The following GLG1 variants were observed in gnomAD, a reference collection of about 807,000 sequenced individuals.
GLG1 encodes the protein Golgi apparatus protein 1.
In GLG1, 38 loss-of-function variants were observed where a neutral mutation model predicts 160.5. The ratio of observed to expected loss-of-function variants is 0.24; its 90% CI spans 0.18 to 0.31. The LOEUF (loss-of-function observed/expected upper bound fraction) is 0.31, where lower values mean the gene tolerates loss of function less well. Among genes scored for constraint, GLG1 ranks in the 10% least tolerant of loss-of-function variants. The pLI, the probability that GLG1 is intolerant of heterozygous loss-of-function variation, is 1.00. For missense variants in GLG1, 1,373 were observed against 1,505.2 expected, an observed-to-expected ratio of 0.91 and a Z score of 1.45; for synonymous variants, 644 against 543.4, an observed-to-expected ratio of 1.19 and a Z score of -2.57.
chr16:74,448,155 G>A lies in GLG1; in HGVS notation c.*5012C>T, dbSNP rs13359. 47,391 of 152,022 alleles carry A rather than the reference G, an allele frequency of 0.31. 7,618 individuals are homozygous for A. Among genetic ancestry groups the A allele is most frequent in the Middle Eastern group, 0.39 (114 of 294 alleles). 9.4% of individuals were successfully genotyped at this position (152,022 alleles called of 1,614,324 possible). On this transcript the variant is annotated 3_prime_UTR_variant, in exon 26 of 26. Coordinates refer to ENST00000422840, the MANE Select transcript of GLG1 (RefSeq NM_001145667.2). Reference sequence around the variant, plus strand: ...GGGGAGCTCTTCACCCTAAAGATTCGGTCTGGTTTGCTAATGACTTATCTA... The same window carrying A: ...GGGGAGCTCTTCACCCTAAAGATTCAGTCTGGTTTGCTAATGACTTATCTA...
intron 1 of GLG1, among the ~76,000 whole-genome samples, chr16:74,561,021 A>G (rs1567524392): frequency 6.6e-6 from 1 of 152,248 alleles, no homozygotes. Context: ...GTCTGGCACC[A>G]CGCAGTCCTG....
At chr16:74,606,264 T>A (rs1958563224) in intron 1 of GLG1, among the ~76,000 whole-genome samples, 1 of 152,244 alleles carries the variant, frequency 6.6e-6, no homozygotes, top group Non-Finnish European at 1.5e-5. Context: ...GGCATTTTTT[T>A]ATGTTTAAAT....
At chr16:74,528,434 T>C (rs2017410029) in intron 2 of GLG1, among the ~76,000 whole-genome samples, 1 of 152,126 alleles carries the variant, frequency 6.6e-6, no homozygotes, top group African/African-American at 2.4e-5. Flanking sequence ...CCAGCTGTCA[T>C]TTTCCTTCCC....
At chr16:74,462,399 C>T (rs953478216) in intron 21 of GLG1, 89 bp downstream of exon 21, 59 of 1,268,310 alleles carry the variant, frequency 4.7e-5, no homozygotes, top group Non-Finnish European at 3.9e-5. Context: ...CTTGGGAAAA[C>T]GGGAGCAAGC....
rs560046370 is a variant in GLG1 at position 74,544,857 on chromosome 16, G to A, written c.439-12704C>T. Among the ~76,000 whole-genome samples, 16 of 152,122 alleles carry A rather than the reference G, an allele frequency of 1.1e-4. No homozygotes were observed. In the South Asian group the frequency reaches 3.3e-3, roughly 32 times the overall value. On this transcript the variant is annotated intron_variant, in intron 1 of 25. Transcript: ENST00000422840. ...AAATACTTAAAGCACCTAGCACAAT[G>A]CTAGTAGTAAGTATGTAATAAATAT...
At chr16:74,549,363 A>G (rs2018136748) in intron 1 of GLG1, among the ~76,000 whole-genome samples, 1 of 151,918 alleles carries the variant, frequency 6.6e-6, no homozygotes, top group South Asian at 2.1e-4. Context: ...ATGCAATCTC[A>G]GCTCACTGTA....
chr16:74,469,318 G>A (rs537414008), intron 16 of GLG1: 2 of 522,650 alleles, frequency 3.8e-6, no homozygotes, highest in South Asian at 5.1e-5. Context: ...GCACATGTGT[G>A]CAACGACAGT....
rs373177669 is a variant in GLG1 at position 74,508,895 on chromosome 16, T to C, written c.502A>G (p.Thr168Ala). ...LLWNYKLNLT[T>A]DPKFESVARE... is the part of the protein sequence containing the mutation. ...GCCACAGATTCAAATTTGGGATCTG[T>C]AGTTAGGTTCAGCTTATAATTCCAC... Residue 168 changes from threonine (T) to alanine (A), a missense_variant, in exon 3 of 26, where the codon ACA becomes GCA. By Grantham distance (58) the Thr-to-Ala change is moderately conservative. Transcript: ENST00000422840. The C allele has an allele frequency of 6.6e-7, 1 of 1,514,366 alleles. No homozygotes were observed. Among genetic ancestry groups the C allele is most frequent in the Non-Finnish European group, 9.2e-7 (1 of 1,091,176 alleles). The allele number at this position is 1,514,366 out of a possible 1,614,324, so 93.8% of individuals were successfully genotyped here. A position where few individuals can be genotyped will look rare whatever the true frequency, so the allele number is the denominator to read the frequency against.
At chr16:74,589,319 T>A (rs1958122313) in intron 1 of GLG1, among the ~76,000 whole-genome samples, 1 of 151,418 alleles carries the variant, frequency 6.6e-6, no homozygotes, top group Non-Finnish European at 1.5e-5. Context: ...TCAAATATGA[T>A]GAAATATTGG....
chr16:74,465,932 G>A lies in GLG1; in HGVS notation c.2530-119C>T, dbSNP rs186309138. On this transcript the variant is annotated intron_variant, in intron 18 of 25. Coordinates refer to ENST00000422840, the MANE Select transcript of GLG1 (RefSeq NM_001145667.2). Reference sequence around the variant, plus strand: ...TTTCTTTATCCATTTCTCATTCCCAGGCAATCGGAATCAGGATTTCCTTAC... The same window carrying A: ...TTTCTTTATCCATTTCTCATTCCCAAGCAATCGGAATCAGGATTTCCTTAC... 1.1e-3 allele frequency: 986 copies of A among 868,318 alleles called. 1 individual carries two copies. Among genetic ancestry groups the A allele is most frequent in the Non-Finnish European group, 1.7e-3 (904 of 544,284 alleles). 53.8% of individuals were successfully genotyped at this position (868,318 alleles called of 1,614,324 possible).
At chr16:74,492,080 A>G (rs2016015751) in intron 7 of GLG1, among the ~76,000 whole-genome samples, 1 of 151,376 alleles carries the variant, frequency 6.6e-6, no homozygotes, top group Non-Finnish European at 1.5e-5. Context: ...ATGTTGCACA[A>G]TGTGTATTTC....
At chr16:74,532,288 T>C in intron 1 of GLG1, 135 bp from the exon 2 acceptor site, 1 of 345,006 alleles carries the variant, frequency 2.9e-6, no homozygotes, top group Non-Finnish European at 5.3e-6. Context: ...CAAATATGCT[T>C]CTTCAACATA....
intron 3 of GLG1, 143 bp downstream of exon 3, chr16:74,508,696 C>A: frequency 1.8e-6 from 1 of 568,744 alleles, no homozygotes; most frequent in South Asian, 2.3e-5. Context: ...TCTAATTACA[C>A]CCCCCAACTT....
At chr16:74,498,653 T>C (rs1280928395) in intron 4 of GLG1, among the ~76,000 whole-genome samples, 1 of 148,282 alleles carries the variant, frequency 6.7e-6, no homozygotes, top group Non-Finnish European at 1.5e-5. Context: ...TCATCTGAGG[T>C]CAGGAGTTCG....
rs531840242 is a variant in GLG1, at chr16:74,551,857, T to C, written c.439-19704A>G. ...TTTTGCACCTGCAGATCCTTAAACG[T>C]CTTCGCCATTAGTCCAAGTAGATAC... On this transcript the variant is annotated intron_variant, in intron 1 of 25. Coordinates refer to ENST00000422840, the MANE Select transcript of GLG1 (RefSeq NM_001145667.2). Among the ~76,000 whole-genome samples, 727 of 151,444 alleles carry C rather than the reference T, an allele frequency of 4.8e-3. 5 individuals are homozygous for C. Among genetic ancestry groups the C allele is most frequent in the Admixed American group, 6.3e-3 (96 of 15,142 alleles).
chr16:74,536,198 C>T (rs2017682419), intron 1 of GLG1, among the ~76,000 whole-genome samples: 1 of 152,132 alleles, frequency 6.6e-6, no homozygotes, highest in African/African-American at 2.4e-5. Flanking sequence ...CCCAATTAAA[C>T]CACTTCATCA....
chr16:74,601,390 G>A (rs1381051790), intron 1 of GLG1, among the ~76,000 whole-genome samples: 9 of 151,616 alleles, frequency 5.9e-5, no homozygotes, highest in African/African-American at 1.7e-4. Flanking sequence ...GACCAACCTG[G>A]GCAACCCGGC....
chr16:74,499,732 G>A (rs1248492251), intron 4 of GLG1, among the ~76,000 whole-genome samples: 4 of 152,174 alleles, frequency 2.6e-5, no homozygotes, highest in Admixed American at 1.3e-4. Context: ...GGCTGGGCAC[G>A]GTGGCTCACG....
At position 74,472,378 on chromosome 16, in the gene GLG1, A is replaced by G; in HGVS notation, c.2086T>C (p.Cys696Arg). Residue 696 changes from cysteine to arginine, a missense_variant, in exon 14 of 26, where the codon TGT (cysteine) becomes CGT (arginine). Physicochemically the swap from Cys to Arg is radical, Grantham distance 180. Coordinates refer to ENST00000422840, the MANE Select transcript of GLG1 (RefSeq NM_001145667.2). ...IQIEALLMRACEPIIQNFCHD... is the reference protein window; with the variant it reads ...IQIEALLMRAREPIIQNFCHD... Reference sequence around the variant, plus strand: ...CAGAAGTTCTGAATTATGGGCTCACAGGCTCTCATCAGCAAGGCTTCTATT... The same window carrying G: ...CAGAAGTTCTGAATTATGGGCTCACGGGCTCTCATCAGCAAGGCTTCTATT... 6.2e-7 allele frequency: 1 copy of G among 1,611,792 alleles called. No homozygotes were observed. The highest frequency in any genetic ancestry group is 8.5e-7 in the Non-Finnish European group (1 of 1,177,918).
Sources: allele counts gnomAD v4.1 joint callset (sites outside exome capture counted in the v4.1 genomes callset), GRCh38; gene constraint gnomAD v4.1.1; transcripts MANE v1.5; gene names NCBI Gene and HGNC (gene_info 2026-07-23, HGNC 2026-07-21).